Variants in SHROOM3 observed in about 807,000 individuals in gnomAD.
SHROOM3 encodes the protein protein Shroom3.
A neutral mutation model predicts 138.6 loss-of-function variants in SHROOM3; 47 were observed. The ratio of observed to expected loss-of-function variants is 0.34; its 90% confidence interval spans 0.27 to 0.43. SHROOM3 has a LOEUF of 0.43. Among genes scored for constraint, SHROOM3 ranks in the 20% least tolerant of loss-of-function variants. SHROOM3 has a pLI of 1.00. For synonymous variants in SHROOM3, 1,062 were observed against 1,063.3 expected (o/e 1.00, Z 0.02); for missense variants, 2,491 against 2,596.5 (o/e 0.96, Z 0.88).
In SHROOM3 at chr4:76,612,409, A is replaced by G. The variant is rs551323151; in HGVS notation, c.323+56646A>G. On this transcript the variant is annotated intron_variant, in intron 2 of 10. Transcript: ENST00000296043. Reference sequence around the variant, plus strand: ...TGAAGACCTAACTGGTGTGTTAGTCAGTAAGTTTTAACTCCCTTTAAATTG... The same window carrying G: ...TGAAGACCTAACTGGTGTGTTAGTCGGTAAGTTTTAACTCCCTTTAAATTG... Among the ~76,000 whole-genome samples the G allele has an allele frequency of 1.2e-4, 19 of 152,310 alleles. No homozygotes were observed. In the Middle Eastern group the frequency reaches 0.01, roughly 82 times the overall value.
intron 2 of SHROOM3, among the ~76,000 whole-genome samples, chr4:76,573,058 G>C (rs1214824396): frequency 6.6e-6 from 1 of 151,508 alleles, no homozygotes; most frequent in Non-Finnish European, 1.5e-5. Context: ...TCCAGCCTGG[G>C]TGACAGAGCT....
Position 76,618,069 on chromosome 4 carries a change from G to T in SHROOM3, c.323+62306G>T, listed in dbSNP as rs372601520. Among the ~76,000 whole-genome samples the T allele has an allele frequency of 3.2e-4, 48 of 152,360 alleles. No individual in the cohort carries two copies. In the East Asian group the frequency reaches 6.2e-3, roughly 20 times the overall value. On this transcript the variant is annotated intron_variant, in intron 2 of 10. Transcript: ENST00000296043. ...AATCCCAACACTTTGGGAGTCCAAG[G>T]CAGGAGGATTGCTTGAGGCCAGGAG...
intron 1 of SHROOM3, among the ~76,000 whole-genome samples, chr4:76,519,512 A>G (rs1732518856): frequency 6.6e-6 from 1 of 152,218 alleles, no homozygotes; most frequent in African/African-American, 2.4e-5. Flanking sequence ...AGCAAGAATC[A>G]GGAAGATAAT....
chr4:76,762,152 A>C (rs903440985), intron 9 of SHROOM3, among the ~76,000 whole-genome samples: 4 of 152,160 alleles, frequency 2.6e-5, no homozygotes, highest in Non-Finnish European at 4.4e-5. Flanking sequence ...TCCTTTCTTG[A>C]CCCTTTTTTC....
chr4:76,539,592 C>T (rs997458083), intron 1 of SHROOM3, among the ~76,000 whole-genome samples: 2 of 152,160 alleles, frequency 1.3e-5, no homozygotes, highest in Non-Finnish European at 2.9e-5. Flanking sequence ...AAATGTTTTA[C>T]ATCCATTAAC....
chr4:76,526,124 T>G lies in SHROOM3; in HGVS notation c.169-29485T>G, dbSNP rs180834027. 2.0e-5 allele frequency among the ~76,000 whole-genome samples: 3 copies of G among 152,328 alleles called. No individual in the cohort carries two copies. The East Asian group carries it at 5.8e-4, about 29-fold the overall frequency. On this transcript the variant is annotated intron_variant, in intron 1 of 10. Transcript: ENST00000296043. ...GGCTCATGCCTGTAATCCCAGCGTT[T>G]TGGGAGGCCAAGGCAGGTGGATCAC... is the stretch of plus-strand genomic sequence containing the variant.
intron 1 of SHROOM3, among the ~76,000 whole-genome samples, chr4:76,552,051 C>G (rs7676440): frequency 6.9e-6 from 1 of 145,228 alleles, no homozygotes; most frequent in African/African-American, 2.6e-5. Flanking sequence ...TTAGTAGAGA[C>G]GGGGTTTCAC....
chr4:76,553,501 C>G (rs967022133), intron 1 of SHROOM3, among the ~76,000 whole-genome samples: 1 of 152,092 alleles, frequency 6.6e-6, no homozygotes, highest in African/African-American at 2.4e-5. Context: ...GTCTCGAACT[C>G]CTGACCTCAG....
chr4:76,540,457 G>A (rs570904270), intron 1 of SHROOM3, among the ~76,000 whole-genome samples: 111 of 152,256 alleles, frequency 7.3e-4, no homozygotes, highest in Admixed American at 4.4e-3. Flanking sequence ...GTCTAAACAC[G>A]TAGGGGAAGC....
chr4:76,608,316 C>T (rs1734666120), intron 2 of SHROOM3, among the ~76,000 whole-genome samples: 1 of 152,168 alleles, frequency 6.6e-6, no homozygotes, highest in South Asian at 2.1e-4. Context: ...TGTCTCTCTC[C>T]CCTCACTACC....
In SHROOM3 at chr4:76,666,959, A is replaced by G. The variant is rs552406221; in HGVS notation, c.324-43197A>G. Among the ~76,000 whole-genome samples, 6 of 152,356 alleles carry G rather than the reference A, an allele frequency of 3.9e-5. No individual in the cohort carries two copies. In the South Asian group the frequency reaches 1.2e-3, roughly 32 times the overall value. ...AACTTTGGGAATGTTATGCTAAGTGAAAGAAGCCAGTCACAGAAGGAAAAA... is the reference window on the plus strand; with the variant it reads ...AACTTTGGGAATGTTATGCTAAGTGGAAGAAGCCAGTCACAGAAGGAAAAA... On this transcript the variant is annotated intron_variant, in intron 2 of 10. Coordinates refer to ENST00000296043, the MANE Select transcript of SHROOM3 (RefSeq NM_020859.4).
Position 76,739,375 on chromosome 4 carries a change from C to T in SHROOM3, c.1202C>T (p.Pro401Leu), listed in dbSNP as rs1721175573. 6.2e-7 allele frequency: 1 copy of T among 1,614,134 alleles called. No individual in the cohort carries two copies. Among genetic ancestry groups the T allele is most frequent in the African/African-American group, 1.3e-5 (1 of 75,064 alleles). ...GCAGCATTTCGGCACCGTGAGCGGC[C>T]CAGCTCCTGGTCTAGCCTTGATCAG... Reference protein sequence around the residue: ...SYAAFRHRERPSSWSSLDQKR... With the variant: ...SYAAFRHRERLSSWSSLDQKR... Residue 401 changes from proline to leucine, a missense_variant, in exon 5 of 11, where the codon CCC (proline) becomes CTC (leucine). By Grantham distance (98) the Pro-to-Leu change is moderately conservative (BLOSUM62 -3). Transcript: ENST00000296043.
intron 3 of SHROOM3, among the ~76,000 whole-genome samples, chr4:76,729,168 A>G (rs964300748): frequency 1.3e-5 from 2 of 152,208 alleles, no homozygotes; most frequent in Non-Finnish European, 2.9e-5. Flanking sequence ...ATTGATAAGG[A>G]AACTCAGGGT....
intron 9 of SHROOM3, among the ~76,000 whole-genome samples, chr4:76,762,011 A>G (rs866050665): frequency 2.0e-5 from 3 of 152,154 alleles, no homozygotes; most frequent in African/African-American, 7.2e-5. Flanking sequence ...ATTCGAGTCT[A>G]TGGCCTTGCT....
At chr4:76,579,586 AG>A (rs1342811303) in intron 2 of SHROOM3, among the ~76,000 whole-genome samples, 2 of 152,256 alleles carry the variant, frequency 1.3e-5, no homozygotes, top group Non-Finnish European at 2.9e-5. Context: ...TGGCTTGTGG[AG>A]AAGTCAGACG....
At chr4:76,668,739 G>A (rs889564363) in intron 2 of SHROOM3, among the ~76,000 whole-genome samples, 2 of 152,216 alleles carry the variant, frequency 1.3e-5, no homozygotes, top group Non-Finnish European at 2.9e-5. Flanking sequence ...TGCACAGTTT[G>A]AAATAGAGGA....
chr4:76,715,502 G>A (rs1284035449), intron 3 of SHROOM3, among the ~76,000 whole-genome samples: 1 of 152,096 alleles, frequency 6.6e-6, no homozygotes, highest in Admixed American at 6.5e-5. Flanking sequence ...GTAATGAGTC[G>A]GTAAAGGAGA....
chr4:76,580,724 C>T (rs1734034694), intron 2 of SHROOM3, among the ~76,000 whole-genome samples: 1 of 152,176 alleles, frequency 6.6e-6, no homozygotes, highest in African/African-American at 2.4e-5. Flanking sequence ...CTGTACCCCG[C>T]CAACTTTGGG....
intron 2 of SHROOM3, among the ~76,000 whole-genome samples, chr4:76,620,334 A>T (rs1359986942): frequency 6.6e-6 from 1 of 152,146 alleles, no homozygotes; most frequent in South Asian, 2.1e-4. Context: ...CAAGGAGAGC[A>T]TCCAAAGACA....
Sources: allele counts gnomAD v4.1 joint callset (sites outside exome capture counted in the v4.1 genomes callset), GRCh38; gene constraint gnomAD v4.1.1; transcripts MANE v1.5; gene names NCBI Gene and HGNC (gene_info 2026-07-23, HGNC 2026-07-21).